The following GNG7 variants were observed in gnomAD, a reference collection of about 807,000 sequenced individuals.
GNG7 encodes guanine nucleotide-binding protein G(I)/G(S)/G(O) subunit gamma-7.
A neutral mutation model predicts 4.0 loss-of-function variants in GNG7; 1 was observed. That is an observed-to-expected ratio of 0.25 (90% CI 0.09 to 1.18). GNG7 has a LOEUF of 1.18. Ranked by LOEUF, GNG7 falls within the 50% of genes most tolerant of loss-of-function variation. The probability of loss-of-function intolerance (pLI) is 0.50; values close to 1 mark genes in which losing one functional copy is unlikely to be tolerated. For synonymous variants in GNG7, 34 were observed against 36.9 expected, an observed-to-expected ratio of 0.92 and a Z score of 0.29; for missense variants, 86 against 91.9, an observed-to-expected ratio of 0.94 and a Z score of 0.26.
chr19:2,675,187 C>T (rs1983562941), intron 1 of GNG7, among the ~76,000 whole-genome samples: 1 of 152,202 alleles, frequency 6.6e-6, no homozygotes, highest in Non-Finnish European at 1.5e-5. Flanking sequence ...AAACAGATCA[C>T]GTTCTCGGAG....
chr19:2,518,593 C>T (rs2144726097), intron 4 of GNG7, among the ~76,000 whole-genome samples: 1 of 152,188 alleles, frequency 6.6e-6, no homozygotes, highest in South Asian at 2.1e-4. Flanking sequence ...ACCTGGCCAG[C>T]AGGGACGACT....
chr19:2,638,695 C>T (rs116408834), intron 2 of GNG7, among the ~76,000 whole-genome samples: 4 of 147,254 alleles, frequency 2.7e-5, no homozygotes, highest in African/African-American at 7.6e-5. Context: ...GAGCACCCCC[C>T]AGTCGTGACA....
intron 3 of GNG7, among the ~76,000 whole-genome samples, chr19:2,543,977 G>T: frequency 6.6e-6 from 1 of 152,026 alleles, no homozygotes; most frequent in South Asian, 2.1e-4. Context: ...TGGGGGTCTG[G>T]CAATCCCCCA....
intron 2 of GNG7, among the ~76,000 whole-genome samples, chr19:2,624,575 A>T (rs2144836019): frequency 6.6e-6 from 1 of 152,032 alleles, no homozygotes; most frequent in East Asian, 1.9e-4. Flanking sequence ...AGAAAGAAAG[A>T]AAGGTGCTCC....
At chr19:2,646,759 C>T (rs75710279) in intron 1 of GNG7, among the ~76,000 whole-genome samples, 1,639 of 152,226 alleles carry the variant, frequency 0.011, 25 homozygotes, top group African/African-American at 0.037. Context: ...AGATTTATGA[C>T]GTTATTCCTA....
intron 2 of GNG7, among the ~76,000 whole-genome samples, chr19:2,596,850 T>G (rs1258168321): frequency 6.6e-6 from 1 of 152,190 alleles, no homozygotes; most frequent in South Asian, 2.1e-4. Flanking sequence ...AAATATATTC[T>G]CAACAGGGTG....
At chr19:2,673,263 A>AAAAAC (rs1269636984) in intron 1 of GNG7, among the ~76,000 whole-genome samples, 11 of 145,760 alleles carry the variant, frequency 7.5e-5, no homozygotes, top group Admixed American at 2.7e-4. Context: ...ATCTCAAAAA[A>AAAAAC]AAAACAAAAC....
At chr19:2,680,444 C>G (rs1230282825) in intron 1 of GNG7, among the ~76,000 whole-genome samples, 2 of 152,020 alleles carry the variant, frequency 1.3e-5, no homozygotes, top group African/African-American at 2.4e-5. Flanking sequence ...GCCACCTTGC[C>G]CAGCCACCTG....
At chr19:2,676,333 C>G (rs28651746) in intron 1 of GNG7, among the ~76,000 whole-genome samples, 11,078 of 152,190 alleles carry the variant, frequency 0.073, 471 homozygotes, top group Middle Eastern at 0.18. Context: ...CCCCTAGGCA[C>G]CCACATCCTG....
At chr19:2,666,266 G>A (rs542882355) in intron 1 of GNG7, among the ~76,000 whole-genome samples, 2 of 152,146 alleles carry the variant, frequency 1.3e-5, no homozygotes, top group South Asian at 4.2e-4. Context: ...TCAGCCTCCC[G>A]GGTTCAAGGG....
At chr19:2,604,521 G>A (rs1180551435) in intron 2 of GNG7, among the ~76,000 whole-genome samples, 1 of 142,140 alleles carries the variant, frequency 7.0e-6, no homozygotes, top group Non-Finnish European at 1.5e-5. Flanking sequence ...GCGAGGGAGG[G>A]AGGGAGGGAG....
At chr19:2,551,590 C>CAACTATATATTTATAAATATGT (rs1568240124) in intron 3 of GNG7, among the ~76,000 whole-genome samples, 1 of 122,576 alleles carries the variant, frequency 8.2e-6, no homozygotes, top group African/African-American at 3.0e-5. Flanking sequence ...TATAAATATG[C>CAACTATATATTTATAAATATGT]ATTTATAAAT....
At chr19:2,637,446 G>T (rs1045878331) in intron 2 of GNG7, among the ~76,000 whole-genome samples, 1 of 152,132 alleles carries the variant, frequency 6.6e-6, no homozygotes, top group African/African-American at 2.4e-5. Flanking sequence ...GTCCGTCCTT[G>T]TAGGGAGGTG....
chr19:2,597,591 CCTT>C (rs1201350373), intron 2 of GNG7, among the ~76,000 whole-genome samples: 1 of 141,210 alleles, frequency 7.1e-6, no homozygotes, highest in East Asian at 2.2e-4. Flanking sequence ...GAGCAAAACT[CCTT>C]CTCAAAAATA....
chr19:2,675,797 C>G (rs2144893669), intron 1 of GNG7, among the ~76,000 whole-genome samples: 1 of 152,252 alleles, frequency 6.6e-6, no homozygotes, highest in South Asian at 2.1e-4. Flanking sequence ...CTGCAGTGCC[C>G]AGGATGGCCC....
chr19:2,551,560 T>TTTA (rs1568240087), intron 3 of GNG7, among the ~76,000 whole-genome samples: 16 of 147,148 alleles, frequency 1.1e-4, no homozygotes, highest in East Asian at 3.9e-4. Flanking sequence ...TTAATATATA[T>TTTA]TTATCTATTA....
rs558337624 is a variant in GNG7, at chr19:2,552,855, C to G, written c.-38+2294G>C. On this transcript the variant is annotated intron_variant, in intron 3 of 4. Transcript: ENST00000382159. ...CCAAACCATCCTCCCGGCTCCACCC[C>G]CCCCACCTCCCCACTGTCTGTGGAA... 2.4e-3 allele frequency among the ~76,000 whole-genome samples: 326 copies of G among 134,274 alleles called. 1 individual carries two copies. Among genetic ancestry groups the G allele is most frequent in the African/African-American group, 8.3e-3 (303 of 36,684 alleles). The allele number at this position is 134,274 out of a possible 152,430, so 88.1% of individuals were successfully genotyped here. A position where few individuals can be genotyped will look rare whatever the true frequency, so the allele number is the denominator to read the frequency against.
chr19:2,539,407 C>T lies in GNG7; in HGVS notation c.-38+15742G>A, dbSNP rs552095610. On this transcript the variant is annotated intron_variant, in intron 3 of 4. Coordinates refer to ENST00000382159, the MANE Select transcript of GNG7 (RefSeq NM_052847.3). ...TGCAACCTTTGCTTCCTGATTCAAG[C>T]GATTCTCCTGCCTCAGCCTCCCGAG... Among the ~76,000 whole-genome samples the T allele has an allele frequency of 9.1e-4, 138 of 151,188 alleles. 1 individual carries two copies. The highest frequency in any genetic ancestry group is 3.1e-3 in the African/African-American group (127 of 41,124).
At chr19:2,538,050 C>G (rs942008984) in intron 3 of GNG7, 4 of 438,074 alleles carry the variant, frequency 9.1e-6, no homozygotes, top group African/African-American at 8.1e-5. Flanking sequence ...GCCCTCCAGC[C>G]TGGACAACAG....
Sources: gnomAD v4.1 joint callset for allele counts (sites outside exome capture counted in the v4.1 genomes callset) on GRCh38, gnomAD v4.1.1 for gene constraint, MANE v1.5 for transcripts, NCBI Gene and HGNC (gene_info 2026-07-23, HGNC 2026-07-21) for gene names.